Variants in ATP2B1 observed in about 807,000 individuals in gnomAD.
ATP2B1 encodes ATPase plasma membrane Ca2+ transporting 1, also known as plasma membrane calcium-transporting ATPase 1.
A neutral mutation model predicts 124.2 loss-of-function variants in ATP2B1; 14 were observed. That is an observed-to-expected ratio of 0.11 (90% CI 0.07 to 0.18). The LOEUF (loss-of-function observed/expected upper bound fraction) is 0.18. ATP2B1 is among the 10% of genes least tolerant of loss of function. The pLI is 1.00. For synonymous variants in ATP2B1, 449 were observed against 492.4 expected (o/e 0.91, Z 1.17); for missense variants, 763 against 1,466.1 (o/e 0.52, Z 7.83).
intron 1 of ATP2B1, among the ~76,000 whole-genome samples, chr12:89,662,774 T>TCC (rs1363928687): frequency 6.6e-6 from 1 of 152,028 alleles, no homozygotes; most frequent in Non-Finnish European, 1.5e-5. Flanking sequence ...TTAGTCCTAC[T>TCC]CCCCTAAGTA....
intron 1 of ATP2B1, among the ~76,000 whole-genome samples, chr12:89,677,971 T>TATATAC (rs1461216851): frequency 5.7e-5 from 3 of 52,324 alleles, no homozygotes; most frequent in African/African-American, 2.1e-4. Context: ...TATATATATA[T>TATATAC]ACACACACAC....
At chr12:89,626,731 T>C in intron 7 of ATP2B1, 116 bp from the exon 8 acceptor site, 2 of 1,231,980 alleles carry the variant, frequency 1.6e-6, no homozygotes, top group South Asian at 3.5e-5. Context: ...GTATAAGCAT[T>C]CAGCTTTGTG....
rs1430973511 is a variant in ATP2B1 at position 89,681,549 on chromosome 12, G to C, written c.-221-25442C>G. Among the ~76,000 whole-genome samples, 6 of 151,838 alleles carry C rather than the reference G, an allele frequency of 4.0e-5. No homozygotes were observed. In the South Asian group the frequency reaches 1.0e-3, roughly 26 times the overall value. On this transcript the variant is annotated intron_variant, in intron 1 of 20. Transcript: ENST00000428670. ...ACGTGTACCACCACGCCCAGCTAAT[G>C]CAAGTTTCTTATGAAGCAAATAAAC...
At chr12:89,659,078 T>C (rs1380737443) in intron 1 of ATP2B1, among the ~76,000 whole-genome samples, 1 of 152,224 alleles carries the variant, frequency 6.6e-6, no homozygotes, top group African/African-American at 2.4e-5. Flanking sequence ...GTTTTGCTTT[T>C]CACTTGTTAG....
intron 7 of ATP2B1, among the ~76,000 whole-genome samples, 165 bp downstream of exon 7, chr12:89,627,513 G>A (rs1881086148): frequency 6.6e-6 from 1 of 151,974 alleles, no homozygotes; most frequent in South Asian, 2.1e-4. Context: ...ACATTGCAGT[G>A]ACGACATGAC....
At position 89,616,805 on chromosome 12, in the gene ATP2B1, A is replaced by T. The variant is rs377385238; in HGVS notation, c.2064T>A (p.Pro688=). 7 of 1,612,224 alleles carry T rather than the reference A, an allele frequency of 4.3e-6. No individual in the cohort carries two copies. Among genetic ancestry groups the T allele is most frequent in the Non-Finnish European group, 5.1e-6 (6 of 1,178,344 alleles). Residue 688 remains proline, a synonymous_variant, in exon 12 of 21, where the codon CCT becomes CCA. Coordinates refer to ENST00000428670, the MANE Select transcript of ATP2B1 (RefSeq NM_001366521.1). ...AVVGIEDPVR[P]EVPDAIKKCQ... The stretch of plus-strand genomic sequence containing the variant: ...AGAACACAGAATGTTTCACCACCTC[A>T]GGTCTCACAGGATCTTCAATCCCCA...
At position 89,603,782 on chromosome 12, in the gene ATP2B1, A is replaced by T; in HGVS notation, c.2778T>A (p.Arg926=). The stretch of plus-strand genomic sequence containing the variant: ...GACCCAAAATATTCTTCATCATTGT[A>T]CGTGAGATGAGAGGCTTATTTCTAC... ...PYGRNKPLIS[R]TMMKNILGHA... is the part of the protein sequence containing the mutation. The change falls in exon 17 of 21, where the codon CGT becomes CGA. Residue 926 remains arginine, a synonymous_variant. Coordinates refer to ENST00000428670, the MANE Select transcript of ATP2B1 (RefSeq NM_001366521.1). The surrounding 1 kb of genome is among the most constrained non-coding windows in gnomAD (Gnocchi z 4.3). 6.2e-7 allele frequency: 1 copy of T among 1,614,176 alleles called. No individual in the cohort carries two copies. The highest frequency in any genetic ancestry group is 8.5e-7 in the Non-Finnish European group (1 of 1,179,986).
rs545559715 is a variant in ATP2B1 at position 89,628,628 on chromosome 12, T to C, written c.929-912A>G. Among the ~76,000 whole-genome samples the C allele has an allele frequency of 4.6e-5, 7 of 152,198 alleles. No individual in the cohort carries two copies. The East Asian group carries it at 5.8e-4, about 13-fold the overall frequency. On this transcript the variant is annotated intron_variant, in intron 6 of 20. Coordinates refer to ENST00000428670, the MANE Select transcript of ATP2B1 (RefSeq NM_001366521.1). ...GAGCATATCTGAAGCAATAAAGTAA[T>C]GAAGGGACAGGCCTATTGTCTGGAG...
intron 2 of ATP2B1, among the ~76,000 whole-genome samples, chr12:89,649,622 G>A (rs1442569826): frequency 6.6e-6 from 1 of 152,096 alleles, no homozygotes; most frequent in East Asian, 1.9e-4. Context: ...AATTAATACT[G>A]GTATTAGTTA....
intron 2 of ATP2B1, 88 bp downstream of exon 2, chr12:89,655,591 G>A (rs539116374): frequency 2.0e-5 from 25 of 1,259,992 alleles, no homozygotes; most frequent in South Asian, 3.8e-5. Flanking sequence ...TCATACAATC[G>A]CCAAGATAAT....
At chr12:89,705,002 G>A (rs1892286340) in intron 1 of ATP2B1, among the ~76,000 whole-genome samples, 1 of 152,082 alleles carries the variant, frequency 6.6e-6, no homozygotes, top group Non-Finnish European at 1.5e-5. Flanking sequence ...CTTGTGTTAA[G>A]ATATAAATGA....
At chr12:89,635,607 T>C (rs1244231448) in intron 3 of ATP2B1, among the ~76,000 whole-genome samples, 1 of 152,158 alleles carries the variant, frequency 6.6e-6, no homozygotes, top group Non-Finnish European at 1.5e-5. Context: ...ATTGTGAGGA[T>C]TAAATGTGAG....
chr12:89,687,433 C>G (rs528745912), intron 1 of ATP2B1, among the ~76,000 whole-genome samples: 1 of 151,966 alleles, frequency 6.6e-6, no homozygotes, highest in Non-Finnish European at 1.5e-5. Context: ...GAAATTGCAA[C>G]GCATTTCTGT....
intron 9 of ATP2B1, among the ~76,000 whole-genome samples, chr12:89,622,063 C>A (rs1334300029): frequency 6.6e-6 from 1 of 151,802 alleles, no homozygotes; most frequent in Non-Finnish European, 1.5e-5. Flanking sequence ...GTACCTACAT[C>A]CGTACACAAA....
chr12:89,665,086 C>G (rs1247737571), intron 1 of ATP2B1, among the ~76,000 whole-genome samples: 1 of 152,162 alleles, frequency 6.6e-6, no homozygotes, highest in Non-Finnish European at 1.5e-5. Flanking sequence ...GCCTCGGCCT[C>G]CCAAAGTGCT....
At chr12:89,610,298 T>C (rs1371986679) in intron 14 of ATP2B1, 123 bp downstream of exon 14, 7 of 898,880 alleles carry the variant, frequency 7.8e-6, no homozygotes, top group Non-Finnish European at 1.2e-5. Flanking sequence ...GAAATGTATT[T>C]AGATTTTATT....
intron 1 of ATP2B1, among the ~76,000 whole-genome samples, chr12:89,666,353 C>T (rs564559870): frequency 6.6e-6 from 1 of 152,314 alleles, no homozygotes; most frequent in East Asian, 1.9e-4. Context: ...GATCTGTATT[C>T]TCTACCTGCT....
chr12:89,595,775 T>C (rs1283322534), intron 20 of ATP2B1, among the ~76,000 whole-genome samples: 1 of 152,120 alleles, frequency 6.6e-6, no homozygotes, highest in Non-Finnish European at 1.5e-5. Flanking sequence ...ACTGCAACTC[T>C]TGGTGTATAA....
chr12:89,663,459 A>T (rs1430837828), intron 1 of ATP2B1, among the ~76,000 whole-genome samples: 1 of 152,212 alleles, frequency 6.6e-6, no homozygotes. Flanking sequence ...TTTGAAAAAT[A>T]ATTTGTTAGG....
Sources: allele counts gnomAD v4.1 joint callset (sites outside exome capture counted in the v4.1 genomes callset), GRCh38; gene constraint gnomAD v4.1.1; non-coding constraint Gnocchi (gnomAD v3.1); transcripts MANE v1.5; gene names NCBI Gene and HGNC (gene_info 2026-07-23, HGNC 2026-07-21).